Variants in CDH4 observed in about 807,000 individuals in gnomAD.
CDH4 encodes the protein cadherin 4.
CDH4 carries 33 observed loss-of-function variants against 86.0 expected under a neutral mutation model. The observed-to-expected ratio is 0.38, with a 90% CI of 0.29 to 0.51. The LOEUF (loss-of-function observed/expected upper bound fraction) is 0.51, where lower values mean the gene tolerates loss of function less well. Ranked by LOEUF, CDH4 falls within the 20% of genes least tolerant of loss-of-function variation. The pLI is 0.86. For missense variants in CDH4, 1,114 were observed against 1,307.4 expected (o/e 0.85, Z 2.28); for synonymous variants, 555 against 549.4 (o/e 1.01, Z -0.14).
At chr20:61,284,629 C>T (rs989574137) in intron 2 of CDH4, among the ~76,000 whole-genome samples, 4 of 152,188 alleles carry the variant, frequency 2.6e-5, no homozygotes, top group East Asian at 1.9e-4. Flanking sequence ...ACATGTGCGC[C>T]GGACAGAGGT....
chr20:61,337,548 G>A (rs576583185), intron 2 of CDH4, among the ~76,000 whole-genome samples: 1 of 151,990 alleles, frequency 6.6e-6, no homozygotes, highest in African/African-American at 2.4e-5. Flanking sequence ...TGGTCGTGGT[G>A]GTGGTGATGG....
chr20:61,873,238 T>G (rs1399151352), intron 6 of CDH4, among the ~76,000 whole-genome samples: 2 of 152,222 alleles, frequency 1.3e-5, no homozygotes, highest in Non-Finnish European at 1.5e-5. Context: ...TTTTCCACTG[T>G]GTCCTCTGCA....
chr20:61,794,773 C>T (rs1979437196), intron 4 of CDH4, among the ~76,000 whole-genome samples: 1 of 152,204 alleles, frequency 6.6e-6, no homozygotes, highest in African/African-American at 2.4e-5. Context: ...CATGATCACA[C>T]AGTCCCGCAA....
At chr20:61,307,422 C>G (rs546730541) in intron 2 of CDH4, among the ~76,000 whole-genome samples, 1 of 152,210 alleles carries the variant, frequency 6.6e-6, no homozygotes, top group Non-Finnish European at 1.5e-5. Flanking sequence ...CTCCAACACA[C>G]GTTGCATGTG....
intron 2 of CDH4, among the ~76,000 whole-genome samples, chr20:61,262,647 A>G (rs2084133932): frequency 6.6e-6 from 1 of 152,156 alleles, no homozygotes; most frequent in Admixed American, 6.5e-5. Context: ...GCATCCCTGT[A>G]TTGTGTGCTC....
intron 2 of CDH4, among the ~76,000 whole-genome samples, chr20:61,533,547 C>T (rs920697065): frequency 1.3e-5 from 2 of 152,232 alleles, no homozygotes; most frequent in African/African-American, 2.4e-5. Context: ...GGGCCCTGGC[C>T]GGGGCTGCTG....
chr20:61,307,755 G>A (rs752659551), intron 2 of CDH4, among the ~76,000 whole-genome samples: 11 of 152,190 alleles, frequency 7.2e-5, no homozygotes, highest in Non-Finnish European at 8.8e-5. Flanking sequence ...CCTGTCTGCT[G>A]GTGTCCTGCA....
At chr20:61,381,548 C>T (rs1433606857) in intron 2 of CDH4, among the ~76,000 whole-genome samples, 2 of 152,156 alleles carry the variant, frequency 1.3e-5, no homozygotes, top group African/African-American at 4.8e-5. Context: ...GTGCCTTCTC[C>T]CTTCTCAGGA....
chr20:61,600,951 G>A (rs1016915741), intron 2 of CDH4, among the ~76,000 whole-genome samples: 1 of 152,162 alleles, frequency 6.6e-6, no homozygotes, highest in Admixed American at 6.5e-5. Context: ...CCTGCTGTCT[G>A]GCGAGCTCCT....
At chr20:61,621,881 A>G (rs2086781101) in intron 2 of CDH4, among the ~76,000 whole-genome samples, 1 of 152,228 alleles carries the variant, frequency 6.6e-6, no homozygotes, top group African/African-American at 2.4e-5. Context: ...CCTAATATAC[A>G]TAGGTGTTTA....
At chr20:61,791,560 G>A (rs1907066678) in intron 4 of CDH4, among the ~76,000 whole-genome samples, 1 of 152,244 alleles carries the variant, frequency 6.6e-6, no homozygotes, top group South Asian at 2.1e-4. Flanking sequence ...CTGTCCTGAA[G>A]CACTATACAT....
intron 2 of CDH4, among the ~76,000 whole-genome samples, chr20:61,431,359 G>GC: frequency 7.7e-6 from 1 of 129,968 alleles, no homozygotes; most frequent in Admixed American, 7.9e-5. Context: ...TTTTTTGTTG[G>GC]TTTTTTTTTT....
chr20:61,299,208 G>A (rs1398415587), intron 2 of CDH4, among the ~76,000 whole-genome samples: 15 of 152,240 alleles, frequency 9.9e-5, no homozygotes, highest in Admixed American at 5.2e-4. Flanking sequence ...CAGAGGCCCC[G>A]GGGAGAACCT....
intron 4 of CDH4, among the ~76,000 whole-genome samples, chr20:61,781,029 A>G (rs1198622920): frequency 1.3e-5 from 2 of 152,246 alleles, no homozygotes; most frequent in East Asian, 1.9e-4. Flanking sequence ...ATGTGCATGC[A>G]CAGAGAGGCA....
chr20:61,927,632 T>C (rs572310925), intron 11 of CDH4, among the ~76,000 whole-genome samples: 2 of 152,360 alleles, frequency 1.3e-5, no homozygotes, highest in African/African-American at 4.8e-5. Context: ...AGGAAAGGTT[T>C]TGCCCTAAGA....
At chr20:61,324,258 C>A (rs2084525078) in intron 2 of CDH4, among the ~76,000 whole-genome samples, 1 of 152,106 alleles carries the variant, frequency 6.6e-6, no homozygotes, top group African/African-American at 2.4e-5. Context: ...GGAAGCCCTC[C>A]TGGAGGAATT....
intron 2 of CDH4, among the ~76,000 whole-genome samples, chr20:61,310,733 C>G (rs1319595497): frequency 6.6e-6 from 1 of 152,130 alleles, no homozygotes; most frequent in Non-Finnish European, 1.5e-5. Flanking sequence ...GAGGTGTTGG[C>G]AGGGTTGGGT....
rs750144734 is a variant in CDH4, at chr20:61,895,020, C to T, written c.1161C>T (p.Asp387=). ...TCATCACGGTGACAGATGTGAATGA[C>T]AACCCGCCAGAATTTACCGCCAGCA... ...TAIITVTDVN[D]NPPEFTASTF... Residue 387 remains aspartate (D), a synonymous_variant, in exon 8 of 16, where the codon GAC becomes GAT. Transcript: ENST00000614565. 4 of 1,613,826 alleles carry T rather than the reference C, an allele frequency of 2.5e-6. No homozygotes were observed. The highest frequency in any genetic ancestry group is 1.3e-5 in the African/African-American group (1 of 75,072).
intron 3 of CDH4, among the ~76,000 whole-genome samples, chr20:61,770,062 C>T (rs1294450711): frequency 6.6e-6 from 1 of 152,118 alleles, no homozygotes; most frequent in Non-Finnish European, 1.5e-5. Context: ...AGCATGGAGT[C>T]CAGTTGTCTG....
Sources: allele counts gnomAD v4.1 joint callset (sites outside exome capture counted in the v4.1 genomes callset), GRCh38; gene constraint gnomAD v4.1.1; transcripts MANE v1.5; gene names NCBI Gene and HGNC (gene_info 2026-07-23, HGNC 2026-07-21).